Variants in PTPRD observed in about 807,000 individuals in gnomAD.
The protein encoded by PTPRD is protein tyrosine phosphatase receptor type D, also known as receptor-type tyrosine-protein phosphatase delta.
Under a neutral mutation model 214.5 loss-of-function variants are expected in PTPRD, and 34 were observed. That is an observed-to-expected ratio of 0.16 (90% CI 0.12 to 0.21). The LOEUF (loss-of-function observed/expected upper bound fraction) is 0.21. Among genes scored for constraint, PTPRD ranks in the 10% least tolerant of loss-of-function variants. The pLI is 1.00. For synonymous variants in PTPRD, 1,128 were observed against 845.7 expected (o/e 1.33, Z -5.79); for missense variants, 2,545 against 2,398.7 (o/e 1.06, Z -1.27).
At chr9:9,245,135 C>T (rs2099972411) in intron 9 of PTPRD, among the ~76,000 whole-genome samples, 1 of 152,062 alleles carries the variant, frequency 6.6e-6, no homozygotes, top group Non-Finnish European at 1.5e-5. Flanking sequence ...TGTCAGGTAA[C>T]AACAGGTGCT....
intron 8 of PTPRD, among the ~76,000 whole-genome samples, chr9:9,411,053 A>ATGTG (rs1173630881): frequency 6.6e-6 from 1 of 150,664 alleles, no homozygotes; most frequent in African/African-American, 2.5e-5. Context: ...GTGTGTGTGT[A>ATGTG]TGTGTGTGTG....
intron 7 of PTPRD, among the ~76,000 whole-genome samples, chr9:9,685,755 T>A (rs1353825008): frequency 6.6e-6 from 1 of 151,234 alleles, no homozygotes; most frequent in Non-Finnish European, 1.5e-5. Flanking sequence ...AGCAGTAAAA[T>A]TTTATAGGCA....
intron 12 of PTPRD, among the ~76,000 whole-genome samples, chr9:8,709,122 T>C (rs946323061): frequency 1.3e-5 from 2 of 151,970 alleles, no homozygotes; most frequent in African/African-American, 2.4e-5. Context: ...TGGGGAGATG[T>C]TGGTCAAAGG....
chr9:9,285,317 A>C (rs566183162), intron 9 of PTPRD, among the ~76,000 whole-genome samples: 1 of 151,700 alleles, frequency 6.6e-6, no homozygotes, highest in African/African-American at 2.4e-5. Flanking sequence ...GCTCCATCAC[A>C]TTTTCCTCTA....
chr9:9,614,671 G>A (rs2094744003), intron 7 of PTPRD, among the ~76,000 whole-genome samples: 1 of 152,140 alleles, frequency 6.6e-6, no homozygotes, highest in Non-Finnish European at 1.5e-5. Flanking sequence ...TGCAGTATAT[G>A]CATAGCTATC....
intron 11 of PTPRD, among the ~76,000 whole-genome samples, chr9:8,934,478 A>AAAAT (rs2098979944): frequency 1.2e-4 from 1 of 8,472 alleles, no homozygotes; most frequent in Non-Finnish European, 2.2e-4. Flanking sequence ...TATATATATA[A>AAAAT]ATATATATAT....
chr9:8,321,459 CTT>C (rs1827425009), intron 44 of PTPRD, among the ~76,000 whole-genome samples: 5 of 50,886 alleles, frequency 9.8e-5, no homozygotes, highest in African/African-American at 3.3e-4. Context: ...TAGAAGTCTT[CTT>C]TGTGTGTGTG....
intron 12 of PTPRD, among the ~76,000 whole-genome samples, chr9:8,643,905 C>A (rs1040437980): frequency 2.0e-5 from 3 of 152,168 alleles, no homozygotes; most frequent in African/African-American, 7.2e-5. Flanking sequence ...CCGGTGAGGT[C>A]CCACCTTCAG....
At chr9:9,049,643 T>G (rs2099680838) in intron 10 of PTPRD, among the ~76,000 whole-genome samples, 1 of 152,104 alleles carries the variant, frequency 6.6e-6, no homozygotes, top group Non-Finnish European at 1.5e-5. Context: ...GAGTGGGCAT[T>G]TGAATAGCAG....
At chr9:8,362,410 A>T (rs2078730890) in intron 39 of PTPRD, among the ~76,000 whole-genome samples, 1 of 152,182 alleles carries the variant, frequency 6.6e-6, no homozygotes, top group African/African-American at 2.4e-5. Flanking sequence ...TTTCAGACAC[A>T]CGAAAGAGGG....
At chr9:9,828,715 T>C (rs879860372) in intron 5 of PTPRD, among the ~76,000 whole-genome samples, 8 of 131,910 alleles carry the variant, frequency 6.1e-5, no homozygotes, top group Non-Finnish European at 1.1e-4. Context: ...CTAAGCAGGA[T>C]TTTTTTTTTT....
At chr9:9,075,590 G>A (rs1167940702) in intron 10 of PTPRD, among the ~76,000 whole-genome samples, 1 of 151,878 alleles carries the variant, frequency 6.6e-6, no homozygotes, top group Non-Finnish European at 1.5e-5. Context: ...GCCCTGATGT[G>A]TGATGTTCCC....
intron 5 of PTPRD, among the ~76,000 whole-genome samples, chr9:9,838,811 T>C (rs1392130168): frequency 6.6e-6 from 1 of 152,190 alleles, no homozygotes; most frequent in East Asian, 1.9e-4. Flanking sequence ...TTGCCATTGC[T>C]TTTGGTGTTT....
intron 9 of PTPRD, among the ~76,000 whole-genome samples, chr9:9,300,980 C>A (rs561987768): frequency 6.6e-6 from 1 of 151,718 alleles, no homozygotes; most frequent in African/African-American, 2.4e-5. Context: ...AGAGTGTGAA[C>A]TCACCAAAGC....
intron 10 of PTPRD, among the ~76,000 whole-genome samples, chr9:9,079,624 G>A (rs1357180842): frequency 6.6e-6 from 1 of 152,056 alleles, no homozygotes; most frequent in African/African-American, 2.4e-5. Context: ...GGGCCTCTGA[G>A]TCCCTGAATT....
chr9:8,594,064 C>T (rs1242234473), intron 14 of PTPRD, among the ~76,000 whole-genome samples: 1 of 152,184 alleles, frequency 6.6e-6, no homozygotes, highest in African/African-American at 2.4e-5. Context: ...AGAAAAGGCA[C>T]TACATTGATG....
intron 7 of PTPRD, among the ~76,000 whole-genome samples, chr9:9,664,049 G>A (rs549274367): frequency 2.8e-3 from 388 of 138,212 alleles, no homozygotes; most frequent in African/African-American, 8.7e-3. Context: ...TAAATAGACT[G>A]TATCAATATC....
At chr9:9,433,113 AAAAGT>A (rs1320287244) in intron 8 of PTPRD, among the ~76,000 whole-genome samples, 3 of 152,218 alleles carry the variant, frequency 2.0e-5, no homozygotes, top group Non-Finnish European at 4.4e-5. Context: ...GAGAAGAAGA[AAAAGT>A]AAAGAAAGTG....
intron 9 of PTPRD, among the ~76,000 whole-genome samples, chr9:9,360,191 A>C (rs2055510110): frequency 6.6e-6 from 1 of 151,028 alleles, no homozygotes; most frequent in Non-Finnish European, 1.5e-5. Context: ...GATATTTTTC[A>C]TTTTGAGCAT....
Sources: gnomAD v4.1 joint callset for allele counts (sites outside exome capture counted in the v4.1 genomes callset) on GRCh38, gnomAD v4.1.1 for gene constraint, MANE v1.5 for transcripts, NCBI Gene and HGNC (gene_info 2026-07-23, HGNC 2026-07-21) for gene names.